ENPEP: variants seen among roughly 807,000 people sequenced by gnomAD.
ENPEP encodes AP-A.
ENPEP carries 103 observed loss-of-function variants against 114.5 expected under a neutral mutation model. The observed-to-expected ratio is 0.90, with a 90% CI of 0.77 to 1.06. The LOEUF (loss-of-function observed/expected upper bound fraction) is 1.06, where lower values mean the gene tolerates loss of function less well. Among genes scored for constraint, ENPEP ranks in the 50% least tolerant of loss-of-function variants. The pLI is 0.00. For missense variants in ENPEP, 1,196 were observed against 1,161.3 expected (o/e 1.03, Z -0.43); for synonymous variants, 420 against 422.0 (o/e 1.00, Z 0.06).
intron 1 of ENPEP, among the ~76,000 whole-genome samples, chr4:110,486,739 T>C (rs1218671849): frequency 1.3e-5 from 2 of 152,204 alleles, no homozygotes; most frequent in African/African-American, 4.8e-5. Flanking sequence ...TATCTATACA[T>C]GTAACTGCCC....
chr4:110,523,529 A>C (rs1343367733), intron 10 of ENPEP, among the ~76,000 whole-genome samples: 1 of 152,216 alleles, frequency 6.6e-6, no homozygotes, highest in Non-Finnish European at 1.5e-5. Flanking sequence ...GGGGCCATGA[A>C]ATTGGACCAT....
chr4:110,530,053 G>T (rs1287562697), intron 10 of ENPEP, among the ~76,000 whole-genome samples: 2 of 150,220 alleles, frequency 1.3e-5, no homozygotes, highest in Non-Finnish European at 1.5e-5. Context: ...TCCAGCCTGG[G>T]CAACAAGAAT....
intron 1 of ENPEP, among the ~76,000 whole-genome samples, chr4:110,482,867 G>A (rs1724366262): frequency 6.6e-6 from 1 of 152,110 alleles, no homozygotes; most frequent in African/African-American, 2.4e-5. Flanking sequence ...AAATTAGCCG[G>A]GGGTAGTGGC....
Position 110,513,620 on chromosome 4 carries a change from A to G in ENPEP, c.1443+71A>G. The G allele has an allele frequency of 1.2e-5, 19 of 1,561,496 alleles. 1 individual carries two copies. In the South Asian group the frequency reaches 1.7e-4, roughly 14 times the overall value. On this transcript the variant is annotated intron_variant, in intron 7 of 19. Transcript: ENST00000265162. The stretch of plus-strand genomic sequence containing the variant: ...CTTTTCTTTTAGTGGATACCTAAAA[A>G]TGGTAAGAATGGTCACACTGTGCCA...
Position 110,553,553 on chromosome 4 carries a change from A to G in ENPEP, c.2642+98A>G, listed in dbSNP as rs1727369647. 7.0e-6 allele frequency: 8 copies of G among 1,146,528 alleles called. No individual in the cohort carries two copies. The South Asian group carries it at 2.1e-4, about 29-fold the overall frequency. 71.0% of individuals were successfully genotyped at this position (1,146,528 alleles called of 1,614,324 possible). A position where few individuals can be genotyped will look rare whatever the true frequency, so the allele number is the denominator to read the frequency against. ...GGCCACTGTCTCTGACATCTATACA[A>G]TATCTAAAATGGCATTATTAGAGGT... On this transcript the variant is annotated intron_variant, in intron 18 of 19. Coordinates refer to ENST00000265162, the MANE Select transcript of ENPEP (RefSeq NM_001977.4).
intron 2 of ENPEP, among the ~76,000 whole-genome samples, chr4:110,489,844 T>C (rs1163296781): frequency 2.0e-5 from 3 of 152,212 alleles, no homozygotes; most frequent in Admixed American, 6.5e-5. Context: ...TGATCCACTA[T>C]TTGAAATATT....
intron 8 of ENPEP, among the ~76,000 whole-genome samples, chr4:110,518,846 G>C (rs1434823843): frequency 1.3e-5 from 2 of 152,112 alleles, no homozygotes; most frequent in African/African-American, 4.8e-5. Context: ...CCTTGTAGTA[G>C]TCAAACTCCT....
At chr4:110,477,852 CT>C (rs1724172107) in intron 1 of ENPEP, among the ~76,000 whole-genome samples, 1 of 152,108 alleles carries the variant, frequency 6.6e-6, no homozygotes, top group Non-Finnish European at 1.5e-5. Context: ...ATTTATTCCA[CT>C]TTCCCACCTA....
Position 110,476,299 on chromosome 4 carries a change from GC to G in ENPEP, c.-115del, listed in dbSNP as rs1203522432. ...AGCCAGAGAGAGGGGTGTGGGAAAA[GC>G]GAAAACAGGCTGCCAAATCAGGGGA... On this transcript the variant is annotated 5_prime_UTR_variant, in exon 1 of 20. Coordinates refer to ENST00000265162, the MANE Select transcript of ENPEP (RefSeq NM_001977.4). The G allele has an allele frequency of 1.5e-6, 2 of 1,359,906 alleles. No homozygotes were observed. The highest frequency in any genetic ancestry group is 2.0e-6 in the Non-Finnish European group (2 of 1,007,246). The allele number at this position is 1,359,906 out of a possible 1,614,324, so 84.2% of individuals were successfully genotyped here.
In ENPEP at chr4:110,547,593, C is replaced by A. The variant is rs1727115682; in HGVS notation, c.2001-583C>A. On this transcript the variant is annotated intron_variant, in intron 13 of 19. Transcript: ENST00000265162. Reference sequence around the variant, plus strand: ...AAGGGGAAGAAAGTGGATTCTTTAACCTTTAAAATATCAACAGTGTCTTCA... The same window carrying A: ...AAGGGGAAGAAAGTGGATTCTTTAAACTTTAAAATATCAACAGTGTCTTCA... Among the ~76,000 whole-genome samples the A allele has an allele frequency of 5.3e-5, 8 of 151,932 alleles. No individual in the cohort carries two copies. The South Asian group carries it at 1.7e-3, about 32-fold the overall frequency.
rs150727179 is a variant in ENPEP, at chr4:110,497,951, A to G, written c.918+6787A>G. Among the ~76,000 whole-genome samples the G allele has an allele frequency of 1.6e-3, 239 of 152,324 alleles. 2 individuals are homozygous for G. The highest frequency in any genetic ancestry group is 5.5e-3 in the African/African-American group (227 of 41,570). ...AAACTTTATAAAATTTAACACATTA[A>G]TGGCATGTTCAGTAATACCAGCTAT... On this transcript the variant is annotated intron_variant, in intron 3 of 19. Transcript: ENST00000265162.
intron 18 of ENPEP, among the ~76,000 whole-genome samples, chr4:110,556,675 T>C (rs1167519395): frequency 1.3e-5 from 2 of 152,184 alleles, no homozygotes; most frequent in African/African-American, 2.4e-5. Context: ...GATGTGTTTA[T>C]TTTTAGGGTT....
In ENPEP at chr4:110,564,264, C is replaced by T. The variant is rs1181759739; in HGVS notation, c.*2706C>T. ...AGGCTACAAAAGTTGTATTTGGCAC[C>T]AGCCAGTATTTGAACCCAGGCAGTT... is the stretch of plus-strand genomic sequence containing the variant. On this transcript the variant is annotated 3_prime_UTR_variant, in exon 20 of 20. Coordinates refer to ENST00000265162, the MANE Select transcript of ENPEP (RefSeq NM_001977.4). The T allele has an allele frequency of 6.6e-6, 1 of 152,100 alleles. No individual in the cohort carries two copies. The highest frequency in any genetic ancestry group is 1.5e-5 in the Non-Finnish European group (1 of 68,012). 9.4% of individuals were successfully genotyped at this position (152,100 alleles called of 1,614,324 possible).
intron 3 of ENPEP, among the ~76,000 whole-genome samples, chr4:110,496,196 G>A (rs1724929950): frequency 6.6e-6 from 1 of 152,236 alleles, no homozygotes; most frequent in Middle Eastern, 3.4e-3. Context: ...GCTGAAGGCA[G>A]AGTATGTATG....
chr4:110,493,070 G>A (rs1343563970), intron 3 of ENPEP, among the ~76,000 whole-genome samples: 3 of 152,180 alleles, frequency 2.0e-5, no homozygotes, highest in African/African-American at 7.2e-5. Flanking sequence ...AGTACTTGGA[G>A]TTATTTTCTA....
At chr4:110,527,570 A>G (rs1402289553) in intron 10 of ENPEP, among the ~76,000 whole-genome samples, 2 of 152,162 alleles carry the variant, frequency 1.3e-5, no homozygotes, top group East Asian at 3.9e-4. Context: ...ATGATACATG[A>G]ATTGAAACAT....
Position 110,476,289 on chromosome 4 carries a change from T to G in ENPEP, c.-126T>G. 26 of 1,142,104 alleles carry G rather than the reference T, an allele frequency of 2.3e-5. No individual in the cohort carries two copies. Among genetic ancestry groups the G allele is most frequent in the South Asian group, 1.2e-4 (6 of 50,836 alleles). 70.7% of individuals were successfully genotyped at this position (1,142,104 alleles called of 1,614,324 possible). ...AGGCGCAAGAAGCCAGAGAGAGGGG[T>G]GTGGGAAAAGCGAAAACAGGCTGCC... On this transcript the variant is annotated 5_prime_UTR_variant, in exon 1 of 20. Transcript: ENST00000265162.
At position 110,477,000 on chromosome 4, in the gene ENPEP, C is replaced by A; in HGVS notation, c.586C>A (p.Leu196Met). 6.2e-7 allele frequency: 1 copy of A among 1,614,186 alleles called. No individual in the cohort carries two copies. The highest frequency in any genetic ancestry group is 8.5e-7 in the Non-Finnish European group (1 of 1,180,032). ...YLLTMEFAGW[L>M]NGSLVGFYRT... ...CCTGACCATGGAGTTCGCCGGCTGG[C>A]TGAACGGCTCCCTCGTGGGATTTTA... Residue 196 changes from leucine to methionine, a missense_variant, in exon 1 of 20, where the codon CTG (leucine) becomes ATG (methionine). Physicochemically the swap from Leu to Met is conservative, Grantham distance 15. Coordinates refer to ENST00000265162, the MANE Select transcript of ENPEP (RefSeq NM_001977.4).
intron 1 of ENPEP, among the ~76,000 whole-genome samples, chr4:110,480,392 A>G (rs185155182): frequency 3.9e-5 from 6 of 152,292 alleles, no homozygotes; most frequent in Non-Finnish European, 4.4e-5. Flanking sequence ...CAGGCTCCAT[A>G]TAAGGGCCAC....
Sources: gnomAD v4.1 joint callset for allele counts (sites outside exome capture counted in the v4.1 genomes callset) on GRCh38, gnomAD v4.1.1 for gene constraint, MANE v1.5 for transcripts, NCBI Gene and HGNC (gene_info 2026-07-23, HGNC 2026-07-21) for gene names.